Variants in NAALADL2 observed in about 807,000 individuals in gnomAD.
The protein encoded by NAALADL2 is inactive N-acetylated-alpha-linked acidic dipeptidase-like protein 2.
NAALADL2 carries 76 observed loss-of-function variants against 87.2 expected under a neutral mutation model. That is an observed-to-expected ratio of 0.87 (90% confidence interval 0.72 to 1.05). The LOEUF (loss-of-function observed/expected upper bound fraction) is 1.05, where lower values mean the gene tolerates loss of function less well. Among genes scored for constraint, NAALADL2 ranks in the 50% least tolerant of loss-of-function variants. The pLI, the probability that NAALADL2 is intolerant of heterozygous loss-of-function variation, is 0.00. For synonymous variants in NAALADL2, 354 were observed against 331.0 expected, an observed-to-expected ratio of 1.07 and a Z score of -0.75; for missense variants, 1,089 against 945.8, an observed-to-expected ratio of 1.15 and a Z score of -1.99.
intron 1 of NAALADL2, among the ~76,000 whole-genome samples, chr3:175,028,445 G>A (rs1752453645): frequency 6.6e-6 from 1 of 151,944 alleles, no homozygotes; most frequent in South Asian, 2.1e-4. Flanking sequence ...TAGCAGAATT[G>A]GATTTAGAAG....
At chr3:175,733,331 T>G (rs1281608030) in intron 11 of NAALADL2, among the ~76,000 whole-genome samples, 1 of 152,116 alleles carries the variant, frequency 6.6e-6, no homozygotes, top group South Asian at 2.1e-4. Flanking sequence ...GAAGGCAAGG[T>G]GGAGCAAGTT....
intron 5 of NAALADL2, among the ~76,000 whole-genome samples, chr3:175,420,628 T>C (rs1715538064): frequency 1.3e-5 from 2 of 152,014 alleles, no homozygotes; most frequent in Non-Finnish European, 2.9e-5. Flanking sequence ...AGATAATTGT[T>C]TAAAAAAGTA....
intron 2 of NAALADL2, among the ~76,000 whole-genome samples, chr3:175,153,549 C>CT (rs1731866992): frequency 6.6e-6 from 1 of 152,190 alleles, no homozygotes; most frequent in Non-Finnish European, 1.5e-5. Context: ...ACTGATCTAA[C>CT]TTTTCCCACA....
At chr3:175,649,051 C>T (rs2149782984) in intron 11 of NAALADL2, among the ~76,000 whole-genome samples, 1 of 152,194 alleles carries the variant, frequency 6.6e-6, no homozygotes, top group Non-Finnish European at 1.5e-5. Context: ...TTATTGTTTG[C>T]CTATAATTAC....
At chr3:175,486,626 C>T (rs1727301764) in intron 9 of NAALADL2, among the ~76,000 whole-genome samples, 1 of 152,096 alleles carries the variant, frequency 6.6e-6, no homozygotes, top group Non-Finnish European at 1.5e-5. Context: ...GAGAGAGGCC[C>T]CACTCGCTCT....
At chr3:175,193,133 T>C (rs1738454697) in intron 2 of NAALADL2, among the ~76,000 whole-genome samples, 2 of 152,114 alleles carry the variant, frequency 1.3e-5, no homozygotes, top group Middle Eastern at 6.8e-3. Context: ...GGGATACTTA[T>C]TTAAGCAAAT....
intron 5 of NAALADL2, among the ~76,000 whole-genome samples, chr3:175,378,216 T>C (rs1408050324): frequency 6.6e-6 from 1 of 151,906 alleles, no homozygotes; most frequent in Non-Finnish European, 1.5e-5. Flanking sequence ...CTCCTGCACC[T>C]GCTTACCTGT....
chr3:174,489,684 G>C (rs1042232319), intron 1 of NAALADL2, among the ~76,000 whole-genome samples: 3 of 151,980 alleles, frequency 2.0e-5, no homozygotes, highest in African/African-American at 7.2e-5. Context: ...TTTCTCAGAA[G>C]AAGAAGACAT....
intron 1 of NAALADL2, among the ~76,000 whole-genome samples, chr3:174,914,308 C>G (rs1193636506): frequency 6.6e-6 from 1 of 152,050 alleles, no homozygotes; most frequent in Non-Finnish European, 1.5e-5. Flanking sequence ...GGTGATCCAC[C>G]CACCTCTGCC....
intron 5 of NAALADL2, among the ~76,000 whole-genome samples, chr3:175,357,295 T>G (rs183774982): frequency 6.6e-6 from 1 of 152,132 alleles, no homozygotes; most frequent in Admixed American, 6.6e-5. Context: ...TTATTTAGGC[T>G]TGACTCATCT....
intron 2 of NAALADL2, among the ~76,000 whole-genome samples, chr3:174,716,472 T>A (rs1012048730): frequency 3.3e-5 from 5 of 152,130 alleles, no homozygotes; most frequent in Admixed American, 2.0e-4. Context: ...TCTATATCAG[T>A]AAAAGAGAAA....
At chr3:175,481,153 A>G (rs1726400810) in intron 9 of NAALADL2, among the ~76,000 whole-genome samples, 1 of 151,944 alleles carries the variant, frequency 6.6e-6, no homozygotes, top group South Asian at 2.1e-4. Flanking sequence ...GATGAACAAT[A>G]TATGGGAATT....
At chr3:174,719,662 CAGTT>C (rs1560170522) in intron 2 of NAALADL2, among the ~76,000 whole-genome samples, 1 of 152,092 alleles carries the variant, frequency 6.6e-6, no homozygotes, top group African/African-American at 2.4e-5. Context: ...ACCATAAACA[CAGTT>C]AGGAGCAAAG....
At chr3:175,149,896 G>A (rs868591865) in intron 2 of NAALADL2, among the ~76,000 whole-genome samples, 1 of 152,090 alleles carries the variant, frequency 6.6e-6, no homozygotes, top group Non-Finnish European at 1.5e-5. Flanking sequence ...TTGGAAGCGG[G>A]CCAGGTTTGT....
At chr3:175,553,951 A>G (rs1275855836) in intron 9 of NAALADL2, among the ~76,000 whole-genome samples, 2 of 152,152 alleles carry the variant, frequency 1.3e-5, no homozygotes, top group East Asian at 3.9e-4. Context: ...GTAAATAAAG[A>G]AGTAAACACA....
rs144915385 is a variant in NAALADL2 at position 175,463,412 on chromosome 3, G to A, written c.1246G>A (p.Val416Ile). Residue 416 changes from valine to isoleucine, a missense_variant, in exon 7 of 14, where the codon GTC becomes ATC. Transcript: ENST00000454872. ...TTTTATTTTTTCAGAAATAAGAGTCGTCAGCATGCAAGTTCAGACAGTCAC... is the reference window on the plus strand; with the variant it reads ...TTTTATTTTTTCAGAAATAAGAGTCATCAGCATGCAAGTTCAGACAGTCAC... ...LELPNNEIRV[V>I]SMQVQTVTKL... The A allele has an allele frequency of 3.8e-4, 601 of 1,581,874 alleles. No individual in the cohort carries two copies. In the Middle Eastern group the frequency reaches 9.7e-3, roughly 26 times the overall value.
At chr3:175,446,810 A>C (rs1720780118) in intron 5 of NAALADL2, among the ~76,000 whole-genome samples, 1 of 152,172 alleles carries the variant, frequency 6.6e-6, no homozygotes, top group South Asian at 2.1e-4. Flanking sequence ...CAGCATTCTC[A>C]GCTTCCCTAC....
intron 1 of NAALADL2, among the ~76,000 whole-genome samples, chr3:174,917,567 A>G (rs539831087): frequency 1.2e-4 from 19 of 152,238 alleles, no homozygotes; most frequent in African/African-American, 4.6e-4. Flanking sequence ...CTGTAGCACA[A>G]AAGAACCTTG....
intron 10 of NAALADL2, among the ~76,000 whole-genome samples, chr3:175,626,091 C>A (rs529322778): frequency 1.3e-5 from 2 of 152,016 alleles, no homozygotes; most frequent in African/African-American, 4.8e-5. Context: ...TTACACATGA[C>A]CCTGGAATAT....
Sources: gnomAD v4.1 joint callset for allele counts (sites outside exome capture counted in the v4.1 genomes callset) on GRCh38, gnomAD v4.1.1 for gene constraint, MANE v1.5 for transcripts, NCBI Gene and HGNC (gene_info 2026-07-23, HGNC 2026-07-21) for gene names.